CAD: variants seen among roughly 807,000 people sequenced by gnomAD.
CAD encodes the protein carbamoyl-phosphate synthetase 2, aspartate transcarbamylase, and dihydroorotase.
Under a neutral mutation model 237.2 loss-of-function variants are expected in CAD, and 81 were observed. That is an observed-to-expected ratio of 0.34 (90% CI 0.29 to 0.41). The LOEUF (loss-of-function observed/expected upper bound fraction) is 0.41. Ranked by LOEUF, CAD falls within the 10% of genes least tolerant of loss-of-function variation. The pLI is 1.00. For missense variants in CAD, 2,181 were observed against 2,951.7 expected, an observed-to-expected ratio of 0.74 and a Z score of 6.05; for synonymous variants, 1,196 against 1,162.8, an observed-to-expected ratio of 1.03 and a Z score of -0.58.
chr2:27,243,165 A>G, intron 42 of CAD, 33 bp from the exon 43 acceptor site: 1 of 1,604,548 alleles, frequency 6.2e-7, no homozygotes, highest in Admixed American at 1.7e-5. Flanking sequence ...CTCCTACCCC[A>G]AGGCACTAAT....
In CAD at chr2:27,235,506, AAAC is replaced by A. The variant is rs1261787597; in HGVS notation, c.3970-27_3970-25del. 36 of 1,613,488 alleles carry A rather than the reference AAAC, an allele frequency of 2.2e-5. No individual in the cohort carries two copies. The highest frequency in any genetic ancestry group is 2.9e-5 in the Non-Finnish European group (34 of 1,179,638). ...GACCTTGAAATGGAAGACAGGAAGAAAACAATTTCATCCTTCTGTTTGGTTTCA... is the reference window on the plus strand; with the variant it reads ...GACCTTGAAATGGAAGACAGGAAGAAAATTTCATCCTTCTGTTTGGTTTCA... On this transcript the variant is annotated intron_variant, in intron 24 of 43. Coordinates refer to ENST00000264705, the MANE Select transcript of CAD (RefSeq NM_004341.5). The surrounding 1 kb of genome is among the most constrained non-coding windows in gnomAD (Gnocchi z 5.2).
In CAD at chr2:27,224,051, G is replaced by T. The variant is rs763975152; in HGVS notation, c.1108+22G>T. On this transcript the variant is annotated intron_variant, in intron 8 of 43. Coordinates refer to ENST00000264705, the MANE Select transcript of CAD (RefSeq NM_004341.5). ...ACAGGTAAGATCCTGAGTAGAACTG[G>T]GTTGTGGACCTAAGAACAGGGTTGG... 3.2e-6 allele frequency: 5 copies of T among 1,540,324 alleles called. No homozygotes were observed. The African/African-American group carries it at 4.1e-5, about 13-fold the overall frequency.
chr2:27,238,311 A>G, intron 30 of CAD, 120 bp from the exon 31 acceptor site: 1 of 1,464,836 alleles, frequency 6.8e-7, no homozygotes, highest in Non-Finnish European at 9.3e-7. Context: ...GAGGGTCTCG[A>G]GCCAGCACCC....
rs1204988722 is a variant in CAD at position 27,237,697 on chromosome 2, A to G, written c.4564-21A>G. ...GTGGGCATGGGTGCCAGTGAGCCTTACCTCTGTGTATCCTCTCCAGCTGGC... is the reference window on the plus strand; with the variant it reads ...GTGGGCATGGGTGCCAGTGAGCCTTGCCTCTGTGTATCCTCTCCAGCTGGC... On this transcript the variant is annotated intron_variant, in intron 28 of 43. Coordinates refer to ENST00000264705, the MANE Select transcript of CAD (RefSeq NM_004341.5). This position sits in a 1 kb window ranked among gnomAD's most constrained non-coding sequence, Gnocchi z 4.0. 9 of 1,605,874 alleles carry G rather than the reference A, an allele frequency of 5.6e-6. No homozygotes were observed. Among genetic ancestry groups the G allele is most frequent in the Non-Finnish European group, 7.7e-6 (9 of 1,175,506 alleles).
Position 27,239,705 on chromosome 2 carries a change from AC to A in CAD, c.5408del (p.Pro1803ArgfsTer28). 5 of 1,582,062 alleles carry A rather than the reference AC, an allele frequency of 3.2e-6. No individual in the cohort carries two copies. Among genetic ancestry groups the A allele is most frequent in the Admixed American group, 1.8e-5 (1 of 55,956 alleles). ...CTGCCTTCTGCCTGCAGGTTCTGGT[AC>A]CCCCGGGCTATGGACAGGATGTACG... ...VAYIDGQVLV[P>X]PGYGQDVRKW... On this transcript the variant is annotated frameshift_variant, in exon 34 of 44. Transcript: ENST00000264705. LOFTEE classifies it high-confidence loss of function. The surrounding 1 kb of genome is among the most constrained non-coding windows in gnomAD (Gnocchi z 4.0).
At position 27,217,985 on chromosome 2, in the gene CAD, C is replaced by A; in HGVS notation, c.191C>A (p.Pro64Gln). Residue 64 changes from proline to glutamine, a missense_variant, in exon 2 of 44, where the codon CCA becomes CAA. Transcript: ENST00000264705. The stretch of plus-strand genomic sequence containing the variant: ...CTGATCGGCAACTATGGCATCCCCC[C>A]AGATGAAATGGATGAGTTCGGTCTC... ...YPLIGNYGIP[P>Q]DEMDEFGLCK... 10 of 1,611,674 alleles carry A rather than the reference C, an allele frequency of 6.2e-6. No individual in the cohort carries two copies. The highest frequency in any genetic ancestry group is 8.5e-6 in the Non-Finnish European group (10 of 1,178,622).
At chr2:27,238,033 T>C (rs1345630662) in intron 29 of CAD, 23 bp from the exon 30 acceptor site, 1 of 1,613,488 alleles carries the variant, frequency 6.2e-7, no homozygotes, top group Non-Finnish European at 8.5e-7. Flanking sequence ...GCACACTCCT[T>C]CATCAGTTCT....
chr2:27,230,961 TAGC>T (rs1675721712), intron 15 of CAD, among the ~76,000 whole-genome samples: 1 of 152,180 alleles, frequency 6.6e-6, no homozygotes, highest in East Asian at 1.9e-4. Flanking sequence ...TCCATGAAAA[TAGC>T]AGGGAAAAGA....
Position 27,226,645 on chromosome 2 carries a change from C to T in CAD, c.2152C>T (p.Leu718Phe), listed in dbSNP as rs1386030333. The change falls in exon 14 of 44, where the codon CTC (leucine) becomes TTC (phenylalanine). Residue 718 changes from leucine to phenylalanine, a missense_variant. Around this residue, in one of 12 missense-constraint regions of CAD, gnomAD observed 385 missense variants for 535.1 expected, o/e 0.72. Coordinates refer to ENST00000264705, the MANE Select transcript of CAD (RefSeq NM_004341.5). ...AGCATTGGGCATCCCTTTGCCTGAGCTCAGGTACGAGGATGAGGGAGATAT... is the reference window on the plus strand; with the variant it reads ...AGCATTGGGCATCCCTTTGCCTGAGTTCAGGTACGAGGATGAGGGAGATAT... ...KLALGIPLPE[L>F]RNSVTGGTAA... The T allele has an allele frequency of 1.2e-6, 2 of 1,613,930 alleles. No homozygotes were observed. The highest frequency in any genetic ancestry group is 2.7e-5 in the African/African-American group (2 of 74,886).
chr2:27,225,554 C>CCCCG (rs996715966), intron 11 of CAD, 151 bp from the exon 12 acceptor site: 2 of 636,798 alleles, frequency 3.1e-6, no homozygotes, highest in Non-Finnish European at 5.5e-6. Context: ...GATCCACCCC[C>CCCCG]CCGACCCTCG....
intron 2 of CAD, 124 bp from the exon 3 acceptor site, chr2:27,221,094 A>G (rs1675143104): frequency 1.4e-6 from 1 of 696,540 alleles, no homozygotes; most frequent in East Asian, 3.0e-5. Context: ...AAAAGCACCA[A>G]AAGTTTGGTA....
At position 27,232,366 on chromosome 2, in the gene CAD, A is replaced by C; in HGVS notation, c.2646-82A>C. On this transcript the variant is annotated intron_variant, in intron 17 of 43. Transcript: ENST00000264705. The surrounding 1 kb of genome is among the most constrained non-coding windows in gnomAD (Gnocchi z 4.1). ...CTTGGTTCCAAGGATATTTCCTCTC[A>C]TCTGTGCCCTGGGGTCTCAACCCTC... 6.3e-7 allele frequency: 1 copy of C among 1,588,910 alleles called. No homozygotes were observed. Among genetic ancestry groups the C allele is most frequent in the Non-Finnish European group, 8.6e-7 (1 of 1,166,624 alleles).
At position 27,236,879 on chromosome 2, in the gene CAD, AT is replaced by A; in HGVS notation, c.4396+50del. 6.7e-7 allele frequency: 1 copy of A among 1,489,578 alleles called. No individual in the cohort carries two copies. The highest frequency in any genetic ancestry group is 9.4e-7 in the Non-Finnish European group (1 of 1,066,470). 92.3% of individuals were successfully genotyped at this position (1,489,578 alleles called of 1,614,324 possible). On this transcript the variant is annotated intron_variant, in intron 27 of 43. Transcript: ENST00000264705. This position sits in a 1 kb window ranked among gnomAD's most constrained non-coding sequence, Gnocchi z 4.1. Reference sequence around the variant, plus strand: ...CTTCTGAACACTGGCAGCCCCTGGCATAGAGACCTGCAGTGTGGTGAAGGAT... The same window carrying A: ...CTTCTGAACACTGGCAGCCCCTGGCAAGAGACCTGCAGTGTGGTGAAGGAT...
In CAD at chr2:27,234,625, C is replaced by T. The variant is rs773059833; in HGVS notation, c.3726C>T (p.Ile1242=). The change falls in exon 23 of 44, where the codon ATC becomes ATT. Residue 1242 remains isoleucine, a synonymous_variant. Transcript: ENST00000264705. ...TAGTAGCCTTGGCCACGCGGGTCAT[C>T]ATGGGGGAAGAAGTGGAACCTGTGG... The part of the protein sequence containing the change: ...VDLVALATRV[I]MGEEVEPVGL... 6.2e-7 allele frequency: 1 copy of T among 1,614,070 alleles called. No individual in the cohort carries two copies. Among genetic ancestry groups the T allele is most frequent in the Admixed American group, 1.7e-5 (1 of 60,010 alleles).
intron 2 of CAD, among the ~76,000 whole-genome samples, chr2:27,219,483 C>T (rs1278501236): frequency 2.0e-5 from 3 of 152,162 alleles, no homozygotes; most frequent in Non-Finnish European, 2.9e-5. Flanking sequence ...GCTGGGACTA[C>T]AGGCACCTGC....
intron 2 of CAD, among the ~76,000 whole-genome samples, chr2:27,218,617 A>C (rs923587017): frequency 6.6e-6 from 1 of 152,192 alleles, no homozygotes; most frequent in Non-Finnish European, 1.5e-5. Flanking sequence ...ACCTACTGAC[A>C]TGGCCTCGTC....
chr2:27,231,733 T>G lies in CAD; in HGVS notation c.2400+153T>G, dbSNP rs148522428. 1.4e-3 allele frequency among the ~76,000 whole-genome samples: 216 copies of G among 152,366 alleles called. 1 individual carries two copies. The highest frequency in any genetic ancestry group is 4.6e-3 in the Admixed American group (70 of 15,304). On this transcript the variant is annotated intron_variant, in intron 16 of 43. Coordinates refer to ENST00000264705, the MANE Select transcript of CAD (RefSeq NM_004341.5). ...TGCTGAGAATTTTGAGATGTCTCAT[T>G]AGCACGCAAGGGTGTATTACTAGAC... is the stretch of plus-strand genomic sequence containing the variant.
rs1346279029 is a variant in CAD, at chr2:27,240,990, G to T, written c.5638+35G>T. ...CACCCTGACACACACTCACCTCGGGGACCTCTGATCTGGCCTTGGTAGGAG... is the reference window on the plus strand; with the variant it reads ...CACCCTGACACACACTCACCTCGGGTACCTCTGATCTGGCCTTGGTAGGAG... On this transcript the variant is annotated intron_variant, in intron 36 of 43. Coordinates refer to ENST00000264705, the MANE Select transcript of CAD (RefSeq NM_004341.5). This position sits in a 1 kb window ranked among gnomAD's most constrained non-coding sequence, Gnocchi z 4.6. 6.2e-7 allele frequency: 1 copy of T among 1,614,054 alleles called. No homozygotes were observed. The highest frequency in any genetic ancestry group is 2.2e-5 in the East Asian group (1 of 44,876).
Position 27,240,965 on chromosome 2 carries a change from C to G in CAD, c.5638+10C>G, listed in dbSNP as rs1250647960. 1 of 1,614,084 alleles carries G rather than the reference C, an allele frequency of 6.2e-7. No individual in the cohort carries two copies. The highest frequency in any genetic ancestry group is 2.2e-5 in the East Asian group (1 of 44,876). The stretch of plus-strand genomic sequence containing the variant: ...AAGGTAGCCGAGCCAGGTGAGACTC[C>G]ACCCTGACACACACTCACCTCGGGG... On this transcript the variant is annotated intron_variant, in intron 36 of 43. Transcript: ENST00000264705. The surrounding 1 kb of genome is among the most constrained non-coding windows in gnomAD (Gnocchi z 4.6).
Sources: allele counts gnomAD v4.1 joint callset (sites outside exome capture counted in the v4.1 genomes callset), GRCh38; gene constraint gnomAD v4.1.1; regional missense constraint gnomAD v4.1.1; non-coding constraint Gnocchi (gnomAD v3.1); transcripts MANE v1.5; gene names NCBI Gene and HGNC (gene_info 2026-07-23, HGNC 2026-07-21).